The following SEMA3F variants were observed in gnomAD, a reference collection of about 807,000 sequenced individuals.
SEMA3F encodes the protein semaphorin-3F.
SEMA3F carries 30 observed loss-of-function variants against 98.5 expected under a neutral mutation model. The ratio of observed to expected loss-of-function variants is 0.30; its 90% CI spans 0.23 to 0.41. SEMA3F has a LOEUF of 0.41. SEMA3F is among the 10% of genes least tolerant of loss of function. The probability of loss-of-function intolerance (pLI) is 1.00; values close to 1 mark genes in which losing one functional copy is unlikely to be tolerated. For synonymous variants in SEMA3F, 380 were observed against 444.8 expected, an observed-to-expected ratio of 0.85 and a Z score of 1.83; for missense variants, 866 against 1,119.3, an observed-to-expected ratio of 0.77 and a Z score of 3.23.
In SEMA3F at chr3:50,174,347, C is replaced by G. The variant is rs968508587; in HGVS notation, c.453C>G (p.Ala151=). The change falls in exon 5 of 19, where the codon GCC becomes GCG. Residue 151 remains alanine (A), a synonymous_variant. Coordinates refer to ENST00000002829, the MANE Select transcript of SEMA3F (RefSeq NM_004186.5). ...CCTATGTGAACCGCGGACGCCGCGC[C>G]CAGGTAAGCCCCAGCCACCCTGGCC... ...MCTYVNRGRR[A]QATPWTQTQA... 1.9e-6 allele frequency: 3 copies of G among 1,610,724 alleles called. No homozygotes were observed. In the African/African-American group the frequency reaches 4.0e-5, roughly 22 times the overall value.
chr3:50,171,755 C>G (rs896097943), intron 2 of SEMA3F, among the ~76,000 whole-genome samples: 1 of 152,182 alleles, frequency 6.6e-6, no homozygotes, highest in Non-Finnish European at 1.5e-5. Context: ...AGTGGCCCAA[C>G]AACAGGTGCG....
At chr3:50,161,742 C>T (rs562803691) in intron 2 of SEMA3F, among the ~76,000 whole-genome samples, 1 of 152,358 alleles carries the variant, frequency 6.6e-6, no homozygotes, top group Non-Finnish European at 1.5e-5. Flanking sequence ...AGGGTGCTCA[C>T]AGTCAAGCTG....
chr3:50,185,340 A>C (rs1699168012), intron 13 of SEMA3F, 103 bp from the exon 14 acceptor site: 1 of 1,070,304 alleles, frequency 9.3e-7, no homozygotes, highest in Admixed American at 2.4e-5. Context: ...CTCCAGCTCC[A>C]ATGCCCTAGG....
At chr3:50,168,886 A>G (rs1490552995) in intron 2 of SEMA3F, among the ~76,000 whole-genome samples, 1 of 152,002 alleles carries the variant, frequency 6.6e-6, no homozygotes, top group East Asian at 1.9e-4. Flanking sequence ...ACTGACAAAG[A>G]CCCAGGCTGG....
chr3:50,176,611 G>T (rs1234532920), intron 6 of SEMA3F, among the ~76,000 whole-genome samples, 157 bp from the exon 7 acceptor site: 7 of 152,024 alleles, frequency 4.6e-5, no homozygotes, highest in African/African-American at 7.2e-5. Flanking sequence ...GGGAGACCTG[G>T]CTGGATGGAG....
Position 50,185,908 on chromosome 3 carries a change from C to T in SEMA3F, c.1607C>T (p.Ser536Leu). ...SSKRQQLYVASAVGVTHLSLH... is the reference protein window; with the variant it reads ...SSKRQQLYVALAVGVTHLSLH... ...CCCCAGCAACAACTCTACGTGGCGT[C>T]AGCCGTGGGTGTCACACACCTGAGC... Residue 536 changes from serine to leucine, a missense_variant, in exon 16 of 19, where the codon TCA (serine) becomes TTA (leucine). Ser to Leu is a moderately radical substitution (Grantham distance 145). Transcript: ENST00000002829. 6.2e-7 allele frequency: 1 copy of T among 1,612,728 alleles called. No individual in the cohort carries two copies. Among genetic ancestry groups the T allele is most frequent in the Non-Finnish European group, 8.5e-7 (1 of 1,179,070 alleles).
chr3:50,178,676 C>T (rs1437653283), intron 7 of SEMA3F, among the ~76,000 whole-genome samples: 1 of 149,394 alleles, frequency 6.7e-6, no homozygotes, highest in Non-Finnish European at 1.5e-5. Flanking sequence ...GAGCTGAGAT[C>T]GCACCACTGC....
At chr3:50,155,077 C>T, upstream of SEMA3F, 1 of 378,470 alleles carries the variant, frequency 2.6e-6, no homozygotes, top group Non-Finnish European at 4.8e-6. This position sits in a 1 kb window ranked among gnomAD's most constrained non-coding sequence, Gnocchi z 4.9. Context: ...GTCCCGCCGG[C>T]GGCCGCGAGA....
In SEMA3F at chr3:50,182,795, C is replaced by G. The variant is rs758973437; in HGVS notation, c.903+12C>G. 6.2e-7 allele frequency: 1 copy of G among 1,611,830 alleles called. No individual in the cohort carries two copies. The highest frequency in any genetic ancestry group is 8.5e-7 in the Non-Finnish European group (1 of 1,179,336). The stretch of plus-strand genomic sequence containing the variant: ...GGCGCATTTGCCTGGTATGCATTGG[C>G]AGAGCCACCAGGCTGCCCCTTCCAC... On this transcript the variant is annotated intron_variant, in intron 9 of 18. Transcript: ENST00000002829. The surrounding 1 kb of genome is among the most constrained non-coding windows in gnomAD (Gnocchi z 4.5).
chr3:50,176,690 C>T, intron 6 of SEMA3F, 78 bp from the exon 7 acceptor site: 1 of 1,054,166 alleles, frequency 9.5e-7, no homozygotes, highest in East Asian at 2.4e-5. Flanking sequence ...TCATTCTCAC[C>T]CTGGGAGCCT....
chr3:50,175,057 G>C, intron 5 of SEMA3F, 39 bp from the exon 6 acceptor site: 1 of 1,366,348 alleles, frequency 7.3e-7, no homozygotes, highest in Non-Finnish European at 1.0e-6. Flanking sequence ...CCCAGCCCCT[G>C]CCACCCCCAG....
chr3:50,177,754 G>T (rs940179476), intron 7 of SEMA3F, among the ~76,000 whole-genome samples: 3 of 152,188 alleles, frequency 2.0e-5, no homozygotes, highest in Non-Finnish European at 2.9e-5. Flanking sequence ...AGGCTCAGTG[G>T]CTCACACCTA....
At chr3:50,173,060 G>T (rs1156558776) in intron 2 of SEMA3F, among the ~76,000 whole-genome samples, 2 of 152,160 alleles carry the variant, frequency 1.3e-5, no homozygotes, top group Non-Finnish European at 2.9e-5. Flanking sequence ...TGAATCAGGG[G>T]TTTAGCTTTG....
intron 15 of SEMA3F, 72 bp from the exon 16 acceptor site, chr3:50,185,817 G>T: frequency 6.2e-7 from 1 of 1,604,668 alleles, no homozygotes; most frequent in Non-Finnish European, 8.5e-7. Context: ...GGGGAGAGGA[G>T]CCCAGCCTAG....
At chr3:50,175,834 G>A (rs886153581) in intron 6 of SEMA3F, among the ~76,000 whole-genome samples, 9 of 152,172 alleles carry the variant, frequency 5.9e-5, no homozygotes, top group East Asian at 1.9e-4. Context: ...GTGAGCAGGC[G>A]GTTCCGTGTG....
intron 1 of SEMA3F, among the ~76,000 whole-genome samples, chr3:50,157,202 TAC>T (rs987334519): frequency 3.3e-5 from 5 of 151,976 alleles, no homozygotes; most frequent in African/African-American, 9.7e-5. Flanking sequence ...GATCCGGCTG[TAC>T]AGTTTGGCCA....
chr3:50,184,330 A>G, intron 12 of SEMA3F: 1 of 536,966 alleles, frequency 1.9e-6, no homozygotes, highest in Non-Finnish European at 3.4e-6. Flanking sequence ...CATGGAAGGG[A>G]GTGGTCCGCT....
chr3:50,164,281 G>T (rs1162184511), intron 2 of SEMA3F, among the ~76,000 whole-genome samples: 1 of 152,198 alleles, frequency 6.6e-6, no homozygotes, highest in African/African-American at 2.4e-5. Flanking sequence ...TGAGGAGCTG[G>T]TGCATGCTCA....
At position 50,155,954 on chromosome 3, in the gene SEMA3F, A is replaced by T. The variant is rs1188513136; in HGVS notation, c.-49+390A>T. On this transcript the variant is annotated intron_variant, in intron 1 of 18. Transcript: ENST00000002829. This position sits in a 1 kb window ranked among gnomAD's most constrained non-coding sequence, Gnocchi z 4.9. ...CGCCCGAGGCAGCGCTCTTCCCCGT[A>T]GATGCGCTTGCCCTACCTCAGTGTC... The T allele has an allele frequency of 6.6e-6, 1 of 152,150 alleles. No homozygotes were observed. Among genetic ancestry groups the T allele is most frequent in the Non-Finnish European group, 1.5e-5 (1 of 68,068 alleles). The allele number at this position is 152,150 out of a possible 1,614,324, so 9.4% of individuals were successfully genotyped here. A position where few individuals can be genotyped will look rare whatever the true frequency, so the allele number is the denominator to read the frequency against.
Sources: allele counts gnomAD v4.1 joint callset (sites outside exome capture counted in the v4.1 genomes callset), GRCh38; gene constraint gnomAD v4.1.1; non-coding constraint Gnocchi (gnomAD v3.1); transcripts MANE v1.5; gene names NCBI Gene and HGNC (gene_info 2026-07-23, HGNC 2026-07-21).